Variants in ITGA4 observed in about 807,000 individuals in gnomAD.
ITGA4 encodes integrin alpha-4.
In ITGA4, 63 loss-of-function variants were observed where a neutral mutation model predicts 133.6. The ratio of observed to expected loss-of-function variants is 0.47; its 90% CI spans 0.38 to 0.58. ITGA4 has a LOEUF of 0.58. ITGA4 is among the 20% of genes least tolerant of loss of function. The pLI is 0.00. For synonymous variants in ITGA4, 483 were observed against 438.0 expected (o/e 1.10, Z -1.28); for missense variants, 1,076 against 1,252.7 (o/e 0.86, Z 2.13).
chr2:181,509,913 T>TA (rs1457535078), intron 16 of ITGA4, 106 bp downstream of exon 16: 2 of 785,422 alleles, frequency 2.5e-6, no homozygotes, highest in Non-Finnish European at 4.0e-6. Flanking sequence ...TTTTTAAAAA[T>TA]ACGAATTTTT....
Position 181,536,352 on chromosome 2 carries a change from A to AAC in ITGA4, c.*827_*828dup, listed in dbSNP as rs1004498072. On this transcript the variant is annotated 3_prime_UTR_variant, in exon 28 of 28. Coordinates refer to ENST00000397033, the MANE Select transcript of ITGA4 (RefSeq NM_000885.6). ...CTTCAAATCTTTTGTTATATTCTGA[A>AAC]ACAAAAGATTGTGAGTGTTGCACTT... 1.3e-5 allele frequency among the ~76,000 whole-genome samples: 2 copies of AAC among 151,344 alleles called. No homozygotes were observed. Among genetic ancestry groups the AAC allele is most frequent in the Admixed American group, 1.3e-4 (2 of 15,118 alleles).
chr2:181,486,383 G>A (rs954495659), intron 10 of ITGA4: 10 of 161,782 alleles, frequency 6.2e-5, no homozygotes, highest in African/African-American at 1.4e-4. Context: ...ATTGGACCAC[G>A]GTATTTAACT....
chr2:181,476,498 T>C (rs1234080267), intron 4 of ITGA4, among the ~76,000 whole-genome samples: 1 of 152,206 alleles, frequency 6.6e-6, no homozygotes, highest in Non-Finnish European at 1.5e-5. Context: ...TGGTTCCAAT[T>C]CTTATTTTCA....
intron 20 of ITGA4, 130 bp from the exon 21 acceptor site, chr2:181,525,072 T>C (rs945322416): frequency 1.3e-5 from 6 of 457,022 alleles, no homozygotes; most frequent in African/African-American, 9.9e-5. Context: ...CATATCTACT[T>C]TTATCCCCAC....
chr2:181,471,289 ATTTCTG>A (rs1685544347), intron 2 of ITGA4, among the ~76,000 whole-genome samples: 2 of 152,084 alleles, frequency 1.3e-5, no homozygotes, highest in African/African-American at 4.8e-5. Context: ...TTCAGCACCC[ATTTCTG>A]GGCTGTTTGT....
intron 15 of ITGA4, among the ~76,000 whole-genome samples, chr2:181,508,986 G>A (rs1194674456): frequency 6.6e-6 from 1 of 150,538 alleles, no homozygotes; most frequent in East Asian, 2.0e-4. Flanking sequence ...CTATAAATAT[G>A]AAAAAATGGG....
At chr2:181,505,691 A>G (rs191181233) in intron 15 of ITGA4, among the ~76,000 whole-genome samples, 1 of 152,264 alleles carries the variant, frequency 6.6e-6, no homozygotes, top group Admixed American at 6.5e-5. Flanking sequence ...GCAAGAGTGC[A>G]TGTACATTTT....
rs981872741 is a variant in ITGA4, at chr2:181,482,509, G to A, written c.904-5G>A. 4.3e-6 allele frequency: 7 copies of A among 1,613,578 alleles called. No individual in the cohort carries two copies. The highest frequency in any genetic ancestry group is 5.9e-6 in the Non-Finnish European group (7 of 1,179,746). On this transcript the variant is annotated splice_polypyrimidine_tract_variant and splice_region_variant and intron_variant, in intron 8 of 27. Coordinates refer to ENST00000397033, the MANE Select transcript of ITGA4 (RefSeq NM_000885.6). Reference sequence around the variant, plus strand: ...AATGAGTGGATCTGGTTTGTTTTGGGACAGCTTGGATCGTACTTTGGAGCT... The same window carrying A: ...AATGAGTGGATCTGGTTTGTTTTGGAACAGCTTGGATCGTACTTTGGAGCT...
At chr2:181,528,174 T>A (rs1230413354) in intron 22 of ITGA4, among the ~76,000 whole-genome samples, 1 of 152,216 alleles carries the variant, frequency 6.6e-6, no homozygotes, top group Non-Finnish European at 1.5e-5. Flanking sequence ...GGGGTACCTA[T>A]CCAGAATGCA....
Position 181,536,885 on chromosome 2 carries a change from A to C in ITGA4, c.*1358A>C, listed in dbSNP as rs201567328. 13 of 452,858 alleles carry C rather than the reference A, an allele frequency of 2.9e-5. No individual in the cohort carries two copies. The highest frequency in any genetic ancestry group is 6.0e-5 in the African/African-American group (3 of 49,930). The allele number at this position is 452,858 out of a possible 1,614,324, so 28.1% of individuals were successfully genotyped here. On this transcript the variant is annotated 3_prime_UTR_variant, in exon 28 of 28. Transcript: ENST00000397033. The stretch of plus-strand genomic sequence containing the variant: ...CGAATTTTGAACATCTGTTATAGGG[A>C]GTGATCAAATTAGAAGGCAATGTGG...
At chr2:181,513,524 A>G (rs1032985929) in intron 17 of ITGA4, among the ~76,000 whole-genome samples, 1 of 152,082 alleles carries the variant, frequency 6.6e-6, no homozygotes, top group South Asian at 2.1e-4. Context: ...CTATTACTCC[A>G]AACTAGGCAC....
At position 181,509,661 on chromosome 2, in the gene ITGA4, G is replaced by C. The variant is rs867435065; in HGVS notation, c.1699G>C (p.Asp567His). The C allele has an allele frequency of 6.4e-7, 1 of 1,572,090 alleles. No homozygotes were observed. Among genetic ancestry groups the C allele is most frequent in the Middle Eastern group, 1.7e-4 (1 of 5,904 alleles). The change falls in exon 16 of 28, where the codon GAT becomes CAT. Residue 567 changes from aspartate (D) to histidine (H), a missense_variant. Transcript: ENST00000397033. The stretch of plus-strand genomic sequence containing the variant: ...ATATGGTGGTTATTTTCCTTAGAAA[G>C]ATGTGCGGGACATCCTCACCCCAAT... ...CRTHQAFMRK[D>H]VRDILTPIQI...
chr2:181,530,591 C>G lies in ITGA4; in HGVS notation c.2606C>G (p.Ala869Gly), dbSNP rs893262515. The G allele has an allele frequency of 6.2e-7, 1 of 1,611,560 alleles. No individual in the cohort carries two copies. Among genetic ancestry groups the G allele is most frequent in the Non-Finnish European group, 8.5e-7 (1 of 1,177,818 alleles). The change falls in exon 24 of 28, where the codon GCA (alanine) becomes GGA (glycine). Residue 869 changes from alanine (A) to glycine (G), a missense_variant. Around this residue, in one of 4 missense-constraint regions of ITGA4, gnomAD observed 365 missense variants for 421.4 expected, o/e 0.87. Coordinates refer to ENST00000397033, the MANE Select transcript of ITGA4 (RefSeq NM_000885.6). ...RVCALEQQKS[A>G]MQTLKGIVRF... Reference sequence around the variant, plus strand: ...TGTGCATTAGAGCAGCAAAAGAGTGCAATGCAGACCTTGAAAGGCATAGTC... The same window carrying G: ...TGTGCATTAGAGCAGCAAAAGAGTGGAATGCAGACCTTGAAAGGCATAGTC...
intron 16 of ITGA4, 126 bp from the exon 17 acceptor site, chr2:181,511,573 A>G (rs1380479550): frequency 1.8e-6 from 1 of 566,194 alleles, no homozygotes; most frequent in Non-Finnish European, 3.1e-6. Context: ...GATAAAATAA[A>G]GAGTTGTCAA....
intron 15 of ITGA4, among the ~76,000 whole-genome samples, chr2:181,508,636 T>C (rs4368293): frequency 0.25 from 38,023 of 151,676 alleles, 5,254 homozygotes; most frequent in Non-Finnish European, 0.31. Context: ...AGAGAGATTG[T>C]AGTGAGCTGA....
At chr2:181,508,482 G>A (rs1415663347) in intron 15 of ITGA4, among the ~76,000 whole-genome samples, 3 of 151,932 alleles carry the variant, frequency 2.0e-5, no homozygotes, top group Non-Finnish European at 4.4e-5. Flanking sequence ...GATCACTTGA[G>A]GTCAGGAATT....
intron 2 of ITGA4, chr2:181,459,504 G>A (rs1685214244): frequency 6.6e-6 from 1 of 152,118 alleles, no homozygotes; most frequent in Admixed American, 6.5e-5. Context: ...TCATTCAGAT[G>A]AATTCAGATA....
chr2:181,511,805 A>T, intron 17 of ITGA4, 30 bp downstream of exon 17: 1 of 1,078,640 alleles, frequency 9.3e-7, no homozygotes, highest in Non-Finnish European at 1.4e-6. Flanking sequence ...AGTCTCTGTT[A>T]TTCATCGAGA....
intron 2 of ITGA4, among the ~76,000 whole-genome samples, chr2:181,461,062 G>A (rs1004045843): frequency 2.0e-5 from 3 of 151,562 alleles, no homozygotes; most frequent in Admixed American, 1.3e-4. Context: ...AGTCTCTGTA[G>A]AATTTCAGAT....
Sources: allele counts gnomAD v4.1 joint callset (sites outside exome capture counted in the v4.1 genomes callset), GRCh38; gene constraint gnomAD v4.1.1; regional missense constraint gnomAD v4.1.1; transcripts MANE v1.5; gene names NCBI Gene and HGNC (gene_info 2026-07-23, HGNC 2026-07-21).